The following CACNA2D4 variants were observed in gnomAD, a reference collection of about 807,000 sequenced individuals.
The protein encoded by CACNA2D4 is calcium voltage-gated channel auxiliary subunit alpha2delta 4, also known as voltage-dependent calcium channel subunit alpha-2/delta-4.
A neutral mutation model predicts 163.8 loss-of-function variants in CACNA2D4; 157 were observed. The ratio of observed to expected loss-of-function variants is 0.96; its 90% CI spans 0.84 to 1.09. The LOEUF (loss-of-function observed/expected upper bound fraction) is 1.09. CACNA2D4 is among the 50% of genes least tolerant of loss of function. The pLI is 0.00. For missense variants in CACNA2D4, 1,410 were observed against 1,479.9 expected, an observed-to-expected ratio of 0.95 and a Z score of 0.78; for synonymous variants, 598 against 586.9, an observed-to-expected ratio of 1.02 and a Z score of -0.27.
At position 1,799,023 on chromosome 12, in the gene CACNA2D4, C is replaced by T. The variant is rs1364801206; in HGVS notation, c.2995+652G>A. Among the ~76,000 whole-genome samples the T allele has an allele frequency of 2.0e-5, 3 of 152,158 alleles. No individual in the cohort carries two copies. Among genetic ancestry groups the T allele is most frequent in the African/African-American group, 7.2e-5 (3 of 41,428 alleles). On this transcript the variant is annotated intron_variant, in intron 34 of 37. Transcript: ENST00000382722. The surrounding 1 kb of genome is among the most constrained non-coding windows in gnomAD (Gnocchi z 4.7). Reference sequence around the variant, plus strand: ...AGAGATGGGATAAGCTGGGGACAGCCCAGGTGGTGGGAAGTTCTGGAACCC... The same window carrying T: ...AGAGATGGGATAAGCTGGGGACAGCTCAGGTGGTGGGAAGTTCTGGAACCC...
chr12:1,907,726 G>GT, intron 5 of CACNA2D4, 149 bp downstream of exon 5: 1 of 1,208,186 alleles, frequency 8.3e-7, no homozygotes, highest in Non-Finnish European at 1.2e-6. Flanking sequence ...GGACGGCCTG[G>GT]TGGGCGTGCC....
chr12:1,797,350 C>T lies in CACNA2D4; in HGVS notation c.3113+68G>A. 40 of 1,201,802 alleles carry T rather than the reference C, an allele frequency of 3.3e-5. No homozygotes were observed. The South Asian group carries it at 5.2e-4, about 16-fold the overall frequency. 74.4% of individuals were successfully genotyped at this position (1,201,802 alleles called of 1,614,324 possible). On this transcript the variant is annotated intron_variant, in intron 35 of 37. Coordinates refer to ENST00000382722, the MANE Select transcript of CACNA2D4 (RefSeq NM_172364.5). ...TTTCCCGGGGGTTCCGGGGCCCTGC[C>T]CGCACTTCCGCCTTGCCGAGGGCGG...
chr12:1,876,362 T>C (rs1395342944), intron 16 of CACNA2D4, among the ~76,000 whole-genome samples: 1 of 152,200 alleles, frequency 6.6e-6, no homozygotes, highest in East Asian at 1.9e-4. Flanking sequence ...CTGAGTGTTA[T>C]TATTTTCTGG....
At chr12:1,831,593 C>T (rs976346120) in intron 26 of CACNA2D4, 7 of 1,350,436 alleles carry the variant, frequency 5.2e-6, no homozygotes, top group Non-Finnish European at 7.2e-6. Context: ...ACACTTTCCT[C>T]CTGGTGGCTG....
rs1019366294 is a variant in CACNA2D4 at position 1,918,174 on chromosome 12, T to C, written c.227+73A>G. On this transcript the variant is annotated intron_variant, in intron 1 of 37. Coordinates refer to ENST00000382722, the MANE Select transcript of CACNA2D4 (RefSeq NM_172364.5). The stretch of plus-strand genomic sequence containing the variant: ...AGGGGCGGGAGGAGTGGGCAGAGGA[T>C]GGAGGCCCAGCCCGGGAAGAAAGTG... The C allele has an allele frequency of 1.4e-5, 16 of 1,150,456 alleles. No homozygotes were observed. The African/African-American group carries it at 1.7e-4, about 12-fold the overall frequency. The allele number at this position is 1,150,456 out of a possible 1,614,324, so 71.3% of individuals were successfully genotyped here. A position where few individuals can be genotyped will look rare whatever the true frequency, so the allele number is the denominator to read the frequency against.
At chr12:1,797,677 A>T in intron 34 of CACNA2D4, 142 bp from the exon 35 acceptor site, 39 of 585,498 alleles carry the variant, frequency 6.7e-5, no homozygotes, top group East Asian at 1.1e-4. Context: ...CACGCGTGGG[A>T]GGAGCCGGGC....
chr12:1,797,806 C>T, intron 34 of CACNA2D4: 1 of 541,330 alleles, frequency 1.8e-6, no homozygotes, highest in Non-Finnish European at 3.3e-6. Flanking sequence ...GAGCCTGGCC[C>T]TCACTGAGCT....
chr12:1,810,470 G>A (rs1863669382), intron 28 of CACNA2D4, 73 bp downstream of exon 28: 3 of 1,288,536 alleles, frequency 2.3e-6, no homozygotes, highest in Admixed American at 4.4e-5. Flanking sequence ...GGAGAGGGAA[G>A]CTGGCCTGCC....
chr12:1,803,068 A>G (rs771491888), intron 29 of CACNA2D4, among the ~76,000 whole-genome samples: 2 of 152,200 alleles, frequency 1.3e-5, no homozygotes, highest in Non-Finnish European at 2.9e-5. Flanking sequence ...CCAGGGCCCA[A>G]AATGATGACA....
Position 1,844,457 on chromosome 12 carries a change from G to A in CACNA2D4, c.2415C>T (p.Ala805=). The change falls in exon 25 of 38, where the codon GCC becomes GCT. Residue 805 remains alanine, a synonymous_variant. Transcript: ENST00000382722. This position sits in a 1 kb window ranked among gnomAD's most constrained non-coding sequence, Gnocchi z 4.2. ...CGAAGCTGCCAGCAGGATGCTCTGA[G>A]GCCTGGCGGTACCACAGCGGGAAGC... ...LDRFPLWYRQ[A]SEHPAGSFVF... is the part of the protein sequence containing the mutation. 6.2e-7 allele frequency: 1 copy of A among 1,613,656 alleles called. No homozygotes were observed. Among genetic ancestry groups the A allele is most frequent in the Non-Finnish European group, 8.5e-7 (1 of 1,179,800 alleles).
intron 24 of CACNA2D4, among the ~76,000 whole-genome samples, chr12:1,845,369 A>C (rs1592706595): frequency 1.1e-5 from 1 of 88,102 alleles, no homozygotes; most frequent in Non-Finnish European, 2.1e-5. Flanking sequence ...TGCCTTCTCC[A>C]CCTCCGCAGG....
At chr12:1,879,324 C>T (rs543566168) in intron 14 of CACNA2D4, among the ~76,000 whole-genome samples, 1 of 152,054 alleles carries the variant, frequency 6.6e-6, no homozygotes, top group Non-Finnish European at 1.5e-5. Flanking sequence ...CGGCACAGGG[C>T]GAAGTTATCG....
In CACNA2D4 at chr12:1,844,619, G is replaced by A. The variant is rs1865102852; in HGVS notation, c.2343-90C>T. Reference sequence around the variant, plus strand: ...TCTCACACAAGGTCAACTTGGCTGGGCTAAGAGAGTGATTTTAGCCCCTAA... The same window carrying A: ...TCTCACACAAGGTCAACTTGGCTGGACTAAGAGAGTGATTTTAGCCCCTAA... On this transcript the variant is annotated intron_variant, in intron 24 of 37. Coordinates refer to ENST00000382722, the MANE Select transcript of CACNA2D4 (RefSeq NM_172364.5). The surrounding 1 kb of genome is among the most constrained non-coding windows in gnomAD (Gnocchi z 4.2). 1.4e-6 allele frequency: 2 copies of A among 1,411,326 alleles called. No individual in the cohort carries two copies. 87.4% of individuals were successfully genotyped at this position (1,411,326 alleles called of 1,614,324 possible). A position where few individuals can be genotyped will look rare whatever the true frequency, so the allele number is the denominator to read the frequency against.
At chr12:1,837,510 G>A (rs898894979) in intron 26 of CACNA2D4, among the ~76,000 whole-genome samples, 2 of 152,088 alleles carry the variant, frequency 1.3e-5, no homozygotes, top group Admixed American at 6.5e-5. Context: ...ACTGAAGAGC[G>A]AGCTCAACGC....
intron 19 of CACNA2D4, 86 bp downstream of exon 19, chr12:1,860,059 A>T: frequency 9.1e-7 from 1 of 1,101,842 alleles, no homozygotes; most frequent in Non-Finnish European, 1.4e-6. Flanking sequence ...GTCTTTTGCT[A>T]TTACCACAAA....
rs1339591955 is a variant in CACNA2D4, at chr12:1,818,999, A to AT, written c.2552-7277dup. Reference sequence around the variant, plus strand: ...AGAATGATCAATAAATACTAAAAAAATTAAAAAAAAAAAAAAAAGGAAAGG... The same window carrying AT: ...AGAATGATCAATAAATACTAAAAAAATTTAAAAAAAAAAAAAAAAGGAAAGG... On this transcript the variant is annotated intron_variant, in intron 26 of 37. Transcript: ENST00000382722. Among the ~76,000 whole-genome samples the AT allele has an allele frequency of 2.5e-5, 3 of 120,770 alleles. No homozygotes were observed. In the Admixed American group the frequency reaches 2.5e-4, roughly 10 times the overall value. The allele number at this position is 120,770 out of a possible 152,430, so 79.2% of individuals were successfully genotyped here. A position where few individuals can be genotyped will look rare whatever the true frequency, so the allele number is the denominator to read the frequency against.
At chr12:1,831,393 C>A (rs778052037) in intron 26 of CACNA2D4, 1 of 1,614,112 alleles carries the variant, frequency 6.2e-7, no homozygotes, top group South Asian at 1.1e-5. Context: ...CTCCAACCGT[C>A]TGCAGAATCT....
At position 1,807,181 on chromosome 12, in the gene CACNA2D4, C is replaced by A. The variant is rs138801270; in HGVS notation, c.2721+3097G>T. ...TGGTTTGCTCGGTCTGATGAAGGAA[C>A]TTTGAGCTGTGAGCTGCACTGTGAA... On this transcript the variant is annotated intron_variant, in intron 29 of 37. Transcript: ENST00000382722. Among the ~76,000 whole-genome samples, 86 of 152,086 alleles carry A rather than the reference C, an allele frequency of 5.7e-4. 1 individual carries two copies. Among genetic ancestry groups the A allele is most frequent in the Non-Finnish European group, 1.1e-3 (73 of 68,010 alleles).
intron 18 of CACNA2D4, among the ~76,000 whole-genome samples, chr12:1,862,803 G>A (rs1865552390): frequency 6.6e-6 from 1 of 152,170 alleles, no homozygotes; most frequent in South Asian, 2.1e-4. Flanking sequence ...TCAGTGCTCT[G>A]AGCATTTTTT....
Sources: gnomAD v4.1 joint callset for allele counts (sites outside exome capture counted in the v4.1 genomes callset) on GRCh38, gnomAD v4.1.1 for gene constraint, Gnocchi (gnomAD v3.1) non-coding constraint, MANE v1.5 for transcripts, NCBI Gene and HGNC (gene_info 2026-07-23, HGNC 2026-07-21) for gene names.